ZNF362: variants seen among roughly 807,000 people sequenced by gnomAD.
ZNF362 encodes rotund homolog.
ZNF362 carries 11 observed loss-of-function variants against 42.9 expected under a neutral mutation model. That is an observed-to-expected ratio of 0.26 (90% CI 0.16 to 0.42). The LOEUF (loss-of-function observed/expected upper bound fraction) is 0.42. Among genes scored for constraint, ZNF362 ranks in the 20% least tolerant of loss-of-function variants. The probability of loss-of-function intolerance (pLI) is 1.00; values close to 1 mark genes in which losing one functional copy is unlikely to be tolerated. For synonymous variants in ZNF362, 255 were observed against 257.3 expected, an observed-to-expected ratio of 0.99 and a Z score of 0.09; for missense variants, 362 against 576.2, an observed-to-expected ratio of 0.63 and a Z score of 3.81.
At chr1:33,272,407 A>G (rs754593586) in intron 2 of ZNF362, among the ~76,000 whole-genome samples, 2 of 152,098 alleles carry the variant, frequency 1.3e-5, no homozygotes, top group Non-Finnish European at 2.9e-5. Flanking sequence ...ATATGAATGG[A>G]TGGACAGATT....
the ZNF362 span, among the ~76,000 whole-genome samples, chr1:33,150,619 T>A: frequency 6.6e-6 from 1 of 152,166 alleles, no homozygotes; most frequent in African/African-American, 2.4e-5. Context: ...GGACGGCCAC[T>A]GAGTTGGTGG....
the ZNF362 span, among the ~76,000 whole-genome samples, chr1:33,191,150 A>G: frequency 6.6e-6 from 1 of 152,154 alleles, no homozygotes; most frequent in Non-Finnish European, 1.5e-5. Context: ...ACAACTTAGC[A>G]TTCTCTTTTT....
chr1:33,210,205 A>G, the ZNF362 span, among the ~76,000 whole-genome samples: 1 of 152,194 alleles, frequency 6.6e-6, no homozygotes, highest in Admixed American at 6.6e-5. Flanking sequence ...ATTCAGGAGC[A>G]GATTGTTCAG....
At chr1:33,133,568 C>T in the ZNF362 span, among the ~76,000 whole-genome samples, 102 of 152,296 alleles carry the variant, frequency 6.7e-4, no homozygotes, top group South Asian at 3.3e-3. Context: ...AGAGCAGGGC[C>T]GGGATGGTGA....
At chr1:33,244,359 TGA>T in the ZNF362 span, among the ~76,000 whole-genome samples, 4 of 152,344 alleles carry the variant, frequency 2.6e-5, no homozygotes, top group African/African-American at 9.6e-5. The surrounding 1 kb of genome is among the most constrained non-coding windows in gnomAD (Gnocchi z 4.0). Context: ...ATCTCTTCCC[TGA>T]GGCACTAACC....
Position 33,300,097 on chromosome 1 carries a change from G to C in ZNF362, c.*1051G>C, listed in dbSNP as rs553857497. The C allele has an allele frequency of 6.6e-6, 1 of 152,430 alleles. No individual in the cohort carries two copies. Among genetic ancestry groups the C allele is most frequent in the South Asian group, 2.1e-4 (1 of 4,818 alleles). 9.4% of individuals were successfully genotyped at this position (152,430 alleles called of 1,614,324 possible). A position where few individuals can be genotyped will look rare whatever the true frequency, so the allele number is the denominator to read the frequency against. On this transcript the variant is annotated 3_prime_UTR_variant, in exon 9 of 9. Coordinates refer to ENST00000539719, the MANE Select transcript of ZNF362 (RefSeq NM_152493.3). ...CCCCAATCTGAAAGCCATGCGTGTC[G>C]GTGTATATAGGAACCATGTACAGAG... is the stretch of plus-strand genomic sequence containing the variant.
intron 6 of ZNF362, among the ~76,000 whole-genome samples, chr1:33,282,827 G>GAA (rs11332548): frequency 3.2e-4 from 43 of 132,946 alleles, no homozygotes; most frequent in Middle Eastern, 3.4e-3. Context: ...TGTCTCAAGA[G>GAA]AAAAAAAAAA....
intron 6 of ZNF362, among the ~76,000 whole-genome samples, chr1:33,289,052 C>T (rs927607832): frequency 6.6e-6 from 1 of 152,124 alleles, no homozygotes; most frequent in African/African-American, 2.4e-5. Context: ...GAGGCAGGCC[C>T]CTGCCACTGT....
intron 2 of ZNF362, 152 bp from the exon 3 acceptor site, chr1:33,275,948 G>A: frequency 1.3e-6 from 1 of 750,064 alleles, no homozygotes; most frequent in Non-Finnish European, 2.2e-6. Context: ...TTCCTGGCCT[G>A]GTGGGAGGCC....
At position 33,294,807 on chromosome 1, in the gene ZNF362, C is replaced by G. The variant is rs181261841; in HGVS notation, c.909-130C>G. The G allele has an allele frequency of 7.1e-4, 693 of 980,158 alleles. 5 individuals are homozygous for G. In the African/African-American group the frequency reaches 0.01, roughly 14 times the overall value. The allele number at this position is 980,158 out of a possible 1,614,324, so 60.7% of individuals were successfully genotyped here. On this transcript the variant is annotated intron_variant, in intron 6 of 8. Transcript: ENST00000539719. This position sits in a 1 kb window ranked among gnomAD's most constrained non-coding sequence, Gnocchi z 4.2. ...AGTCCCCAGCTCTTGCCTGGGCTCA[C>G]TCTTGGTCCTTGGGGAGCATGGGCA...
the ZNF362 span, chr1:33,196,050 A>C: frequency 6.6e-6 from 1 of 152,160 alleles, no homozygotes; most frequent in Non-Finnish European, 1.5e-5. Flanking sequence ...TTAAATTATT[A>C]TTCTTAGGTT....
At chr1:33,235,907 TG>T in the ZNF362 span, among the ~76,000 whole-genome samples, 1 of 152,182 alleles carries the variant, frequency 6.6e-6, no homozygotes, top group Non-Finnish European at 1.5e-5. Flanking sequence ...TCAGGACTCT[TG>T]GGTTTGCACA....
At chr1:33,210,503 C>A in the ZNF362 span, among the ~76,000 whole-genome samples, 1 of 152,172 alleles carries the variant, frequency 6.6e-6, no homozygotes, top group Non-Finnish European at 1.5e-5. Flanking sequence ...TCTCATTGAT[C>A]TGTCTAATAT....
At chr1:33,220,125 A>G in the ZNF362 span, among the ~76,000 whole-genome samples, 12 of 151,858 alleles carry the variant, frequency 7.9e-5, no homozygotes, top group Non-Finnish European at 1.5e-4. Context: ...CAGGCCCCGG[A>G]GGCTGTGGGC....
At chr1:33,231,674 G>T in the ZNF362 span, among the ~76,000 whole-genome samples, 1 of 152,164 alleles carries the variant, frequency 6.6e-6, no homozygotes, top group Non-Finnish European at 1.5e-5. Context: ...AGTAAGGGCA[G>T]GGTCCATGCT....
intron 6 of ZNF362, among the ~76,000 whole-genome samples, chr1:33,290,993 A>G (rs1195331686): frequency 1.3e-5 from 2 of 151,770 alleles, no homozygotes; most frequent in East Asian, 3.9e-4. Context: ...GATTGCAAAA[A>G]TTTTCTCCCA....
chr1:33,225,267 A>G, the ZNF362 span, among the ~76,000 whole-genome samples: 1 of 152,150 alleles, frequency 6.6e-6, no homozygotes, highest in African/African-American at 2.4e-5. Context: ...TTGAAATGGT[A>G]ACACACTTAT....
At chr1:33,277,362 A>G (rs1156870442) in intron 4 of ZNF362, among the ~76,000 whole-genome samples, 3 of 152,258 alleles carry the variant, frequency 2.0e-5, no homozygotes, top group Non-Finnish European at 4.4e-5. Flanking sequence ...CAGAGCCTGT[A>G]TCTTCACTCT....
the ZNF362 span, among the ~76,000 whole-genome samples, chr1:33,210,140 T>C: frequency 1.2e-4 from 19 of 152,208 alleles, no homozygotes; most frequent in Non-Finnish European, 2.4e-4. Context: ...TTGTTCTTAT[T>C]GGTTTCAAAG....
Sources: allele counts gnomAD v4.1 joint callset (sites outside exome capture counted in the v4.1 genomes callset), GRCh38; gene constraint gnomAD v4.1.1; non-coding constraint Gnocchi (gnomAD v3.1); transcripts MANE v1.5; gene names NCBI Gene and HGNC (gene_info 2026-07-23, HGNC 2026-07-21).